UNC13C: variants seen among roughly 807,000 people sequenced by gnomAD.
The protein encoded by UNC13C is protein unc-13 homolog C.
Under a neutral mutation model 245.4 loss-of-function variants are expected in UNC13C, and 174 were observed. The ratio of observed to expected loss-of-function variants is 0.71; its 90% CI spans 0.63 to 0.80. UNC13C has a LOEUF of 0.80. Ranked by LOEUF, UNC13C falls within the 30% of genes least tolerant of loss-of-function variation. The pLI is 0.00. For synonymous variants in UNC13C, 992 were observed against 895.1 expected, an observed-to-expected ratio of 1.11 and a Z score of -1.93; for missense variants, 2,829 against 2,602.9, an observed-to-expected ratio of 1.09 and a Z score of -1.89.
intron 26 of UNC13C, among the ~76,000 whole-genome samples, 184 bp downstream of exon 26, chr15:54,533,250 T>C (rs946106231): frequency 6.6e-6 from 1 of 152,066 alleles, no homozygotes; most frequent in African/African-American, 2.4e-5. Context: ...GATTACTAGA[T>C]AAAAATAAAT....
At chr15:54,004,072 T>C (rs1207696763) in intron 1 of UNC13C, among the ~76,000 whole-genome samples, 1 of 152,130 alleles carries the variant, frequency 6.6e-6, no homozygotes, top group Non-Finnish European at 1.5e-5. Flanking sequence ...CAGACTATAG[T>C]CGCCGTAGTG....
intron 19 of UNC13C, among the ~76,000 whole-genome samples, chr15:54,428,896 TC>T (rs1450394432): frequency 6.6e-6 from 1 of 151,702 alleles, no homozygotes; most frequent in African/African-American, 2.4e-5. Context: ...TGGTGGTTGA[TC>T]AATCACTGAA....
At chr15:54,308,136 G>A (rs2037774706) in intron 13 of UNC13C, among the ~76,000 whole-genome samples, 1 of 151,794 alleles carries the variant, frequency 6.6e-6, no homozygotes, top group Non-Finnish European at 1.5e-5. Flanking sequence ...GTCATTTCTA[G>A]TCTTTGAAAA....
the UNC13C span, among the ~76,000 whole-genome samples, chr15:53,970,619 A>T: frequency 1.3e-5 from 2 of 152,074 alleles, no homozygotes; most frequent in Admixed American, 1.3e-4. Context: ...TATAAGTGGG[A>T]GCTGAACGAT....
At chr15:53,871,241 G>A in the UNC13C span, among the ~76,000 whole-genome samples, 1 of 151,972 alleles carries the variant, frequency 6.6e-6, no homozygotes, top group African/African-American at 2.4e-5. Context: ...CATTTTCTAG[G>A]CTCCAGTGAT....
chr15:54,050,771 T>C, intron 2 of UNC13C: 3 of 585,966 alleles, frequency 5.1e-6, no homozygotes, highest in South Asian at 4.1e-5. Flanking sequence ...CTTCACTATC[T>C]GGTGATCATC....
intron 2 of UNC13C, among the ~76,000 whole-genome samples, chr15:54,023,230 C>A (rs892141736): frequency 2.0e-5 from 3 of 152,148 alleles, no homozygotes; most frequent in Non-Finnish European, 4.4e-5. Flanking sequence ...CATCATATAG[C>A]GAATTAAGGG....
chr15:53,979,275 G>A (rs1893828133), intron 1 of UNC13C, among the ~76,000 whole-genome samples: 1 of 136,604 alleles, frequency 7.3e-6, no homozygotes, highest in Non-Finnish European at 1.6e-5. Flanking sequence ...AAAAAATAGA[G>A]CTCAACAGAG....
intron 2 of UNC13C, among the ~76,000 whole-genome samples, chr15:54,105,490 T>C (rs1182711454): frequency 6.6e-6 from 1 of 152,226 alleles, no homozygotes; most frequent in Non-Finnish European, 1.5e-5. Flanking sequence ...TATTTTTTAT[T>C]ATTATCCTTT....
chr15:54,583,143 G>A (rs777269016), intron 30 of UNC13C, among the ~76,000 whole-genome samples: 25 of 152,210 alleles, frequency 1.6e-4, no homozygotes, highest in Non-Finnish European at 2.2e-4. Context: ...TAAGCCTCAC[G>A]CCACACCATT....
At chr15:54,112,402 G>C (rs1900824742) in intron 2 of UNC13C, among the ~76,000 whole-genome samples, 1 of 151,984 alleles carries the variant, frequency 6.6e-6, no homozygotes, top group African/African-American at 2.4e-5. Context: ...ATTTACATAG[G>C]GCCCAAAGAT....
At chr15:54,606,048 T>C (rs752461709) in intron 30 of UNC13C, among the ~76,000 whole-genome samples, 1 of 152,234 alleles carries the variant, frequency 6.6e-6, no homozygotes, top group Non-Finnish European at 1.5e-5. Context: ...TTCCCACTTC[T>C]GGTGAGAAAG....
At chr15:54,487,782 AAAAAAAAGACAGAGAG>A (rs1893493060) in intron 19 of UNC13C, among the ~76,000 whole-genome samples, 1 of 97,882 alleles carries the variant, frequency 1.0e-5, no homozygotes. Context: ...AAAAAAAAAA[AAAAAAAAGACAGAGAG>A]AGAGAAAAGA....
intron 4 of UNC13C, among the ~76,000 whole-genome samples, chr15:54,153,433 AATT>A (rs2032611735): frequency 6.6e-6 from 1 of 152,070 alleles, no homozygotes; most frequent in Non-Finnish European, 1.5e-5. Context: ...TAGGTATGAT[AATT>A]ATTATTCATA....
chr15:54,224,026 C>T (rs1596035625), intron 4 of UNC13C, among the ~76,000 whole-genome samples: 2 of 151,972 alleles, frequency 1.3e-5, no homozygotes, highest in Admixed American at 6.6e-5. Flanking sequence ...TCAATTCTAA[C>T]AGTTTTTTGG....
the UNC13C span, among the ~76,000 whole-genome samples, chr15:53,863,711 G>T: frequency 6.6e-6 from 1 of 152,140 alleles, no homozygotes; most frequent in African/African-American, 2.4e-5. Flanking sequence ...AAAGCAGGTT[G>T]CCAGACAACA....
At chr15:54,542,486 G>A (rs1896292254) in intron 26 of UNC13C, among the ~76,000 whole-genome samples, 1 of 152,110 alleles carries the variant, frequency 6.6e-6, no homozygotes, top group African/African-American at 2.4e-5. Context: ...TTGATATGTG[G>A]TGGAGAGTTC....
Position 54,113,645 on chromosome 15 carries a change from T to A in UNC13C, c.2984-29373T>A, listed in dbSNP as rs572717214. On this transcript the variant is annotated intron_variant, in intron 2 of 32. Coordinates refer to ENST00000260323, the MANE Select transcript of UNC13C (RefSeq NM_001080534.3). ...ATCAAGATCATCGTACCTAATACTG[T>A]GAAACCCCGTCTCTACTAAAAATAC... Among the ~76,000 whole-genome samples, 7 of 152,162 alleles carry A rather than the reference T, an allele frequency of 4.6e-5. No homozygotes were observed. In the South Asian group the frequency reaches 1.5e-3, roughly 32 times the overall value.
chr15:54,138,491 C>T (rs2031846445), intron 2 of UNC13C, among the ~76,000 whole-genome samples: 1 of 151,792 alleles, frequency 6.6e-6, no homozygotes, highest in Non-Finnish European at 1.5e-5. Context: ...AGGTTACTTC[C>T]TAATTTTTAT....
Sources: gnomAD v4.1 joint callset for allele counts (sites outside exome capture counted in the v4.1 genomes callset) on GRCh38, gnomAD v4.1.1 for gene constraint, MANE v1.5 for transcripts, NCBI Gene and HGNC (gene_info 2026-07-23, HGNC 2026-07-21) for gene names.